EXOC4: variants seen among roughly 807,000 people sequenced by gnomAD.
EXOC4 encodes the protein SEC8-like 1.
EXOC4 carries 71 observed loss-of-function variants against 107.2 expected under a neutral mutation model. That is an observed-to-expected ratio of 0.66 (90% CI 0.55 to 0.81). EXOC4 has a LOEUF of 0.81. Among genes scored for constraint, EXOC4 ranks in the 30% least tolerant of loss-of-function variants. The pLI is 0.00. For missense variants in EXOC4, 1,108 were observed against 1,189.6 expected, an observed-to-expected ratio of 0.93 and a Z score of 1.01; for synonymous variants, 456 against 441.2, an observed-to-expected ratio of 1.03 and a Z score of -0.42.
At chr7:133,789,958 GAT>G (rs1300574375) in intron 10 of EXOC4, among the ~76,000 whole-genome samples, 1 of 152,154 alleles carries the variant, frequency 6.6e-6, no homozygotes, top group Non-Finnish European at 1.5e-5. Flanking sequence ...TGGATAGGGA[GAT>G]CTTCAACCTG....
At chr7:133,510,038 T>C (rs1367892236) in intron 9 of EXOC4, among the ~76,000 whole-genome samples, 1 of 152,196 alleles carries the variant, frequency 6.6e-6, no homozygotes, top group Non-Finnish European at 1.5e-5. Context: ...AATTCAGCAG[T>C]TTTTAGTGAA....
At chr7:133,854,408 GCACACACACACACACACACA>G (rs56849407) in intron 11 of EXOC4, among the ~76,000 whole-genome samples, 10 of 139,570 alleles carry the variant, frequency 7.2e-5, no homozygotes, top group African/African-American at 2.1e-4. Flanking sequence ...TGTTGAAAGA[GCACACACACACACACACACA>G]CACACACACA....
intron 10 of EXOC4, among the ~76,000 whole-genome samples, chr7:133,761,278 AGCTTG>A (rs1796027093): frequency 6.6e-6 from 1 of 152,184 alleles, no homozygotes; most frequent in African/African-American, 2.4e-5. Context: ...TGATTCAATT[AGCTTG>A]GATAACACTA....
intron 6 of EXOC4, among the ~76,000 whole-genome samples, chr7:133,356,907 G>C (rs1796033713): frequency 6.6e-6 from 1 of 152,248 alleles, no homozygotes. Flanking sequence ...TTGAACGCAG[G>C]AGGCGGAGGT....
intron 10 of EXOC4, among the ~76,000 whole-genome samples, chr7:133,758,532 A>T: frequency 6.6e-6 from 1 of 152,230 alleles, no homozygotes; most frequent in East Asian, 1.9e-4. Context: ...CTAGGTCTCA[A>T]TCCCTGAGGA....
intron 14 of EXOC4, among the ~76,000 whole-genome samples, chr7:133,948,781 T>C (rs2116780009): frequency 6.6e-6 from 1 of 152,260 alleles, no homozygotes; most frequent in African/African-American, 2.4e-5. Flanking sequence ...AATGCAAAAG[T>C]TTGGCAGTTT....
chr7:133,879,804 A>G (rs1798927067), intron 11 of EXOC4, among the ~76,000 whole-genome samples: 1 of 152,098 alleles, frequency 6.6e-6, no homozygotes, highest in African/African-American at 2.4e-5. Context: ...AGAGAATTAG[A>G]CTAGATAATA....
intron 15 of EXOC4, among the ~76,000 whole-genome samples, chr7:134,003,231 G>C (rs934358556): frequency 1.2e-4 from 18 of 152,170 alleles, no homozygotes; most frequent in African/African-American, 4.3e-4. Context: ...CATTTATATG[G>C]CATCCTGGAA....
In EXOC4 at chr7:133,886,300, G is replaced by A. The variant is rs530497368; in HGVS notation, c.1735-9299G>A. On this transcript the variant is annotated intron_variant, in intron 11 of 17. Coordinates refer to ENST00000253861, the MANE Select transcript of EXOC4 (RefSeq NM_021807.4). ...CAGTATTTTCCAAATTATGTGGACC[G>A]GGAGCCAATTTTCTGTAACAGAATA... is the stretch of plus-strand genomic sequence containing the variant. Among the ~76,000 whole-genome samples the A allele has an allele frequency of 5.9e-5, 9 of 152,206 alleles. No individual in the cohort carries two copies. In the East Asian group the frequency reaches 1.3e-3, roughly 23 times the overall value.
rs549827518 is a variant in EXOC4 at position 133,645,975 on chromosome 7, A to G, written c.1514+15834A>G. Among the ~76,000 whole-genome samples the G allele has an allele frequency of 1.2e-4, 19 of 152,326 alleles. No homozygotes were observed. In the South Asian group the frequency reaches 1.7e-3, roughly 13 times the overall value. Reference sequence around the variant, plus strand: ...GGCTGCCTGTGTTTGATTAAAAATGATAGTCTGTAAACTCCTTAAGTTAGA... The same window carrying G: ...GGCTGCCTGTGTTTGATTAAAAATGGTAGTCTGTAAACTCCTTAAGTTAGA... On this transcript the variant is annotated intron_variant, in intron 10 of 17. Coordinates refer to ENST00000253861, the MANE Select transcript of EXOC4 (RefSeq NM_021807.4).
At chr7:133,819,798 A>G (rs1426620189) in intron 11 of EXOC4, among the ~76,000 whole-genome samples, 1 of 152,162 alleles carries the variant, frequency 6.6e-6, no homozygotes, top group Non-Finnish European at 1.5e-5. Context: ...GTGAACCAAT[A>G]ATACTGGCTT....
At chr7:133,848,263 A>C (rs1253219656) in intron 11 of EXOC4, among the ~76,000 whole-genome samples, 2 of 152,160 alleles carry the variant, frequency 1.3e-5, no homozygotes, top group Non-Finnish European at 2.9e-5. Context: ...AAGAATGCAG[A>C]GGAGAAGAGG....
At chr7:133,339,932 T>A (rs1795618749) in intron 5 of EXOC4, among the ~76,000 whole-genome samples, 1 of 152,192 alleles carries the variant, frequency 6.6e-6, no homozygotes, top group South Asian at 2.1e-4. Context: ...TTTCTAGGTA[T>A]GTGATCATCA....
chr7:133,713,857 C>A (rs544523433), intron 10 of EXOC4, among the ~76,000 whole-genome samples: 1 of 152,292 alleles, frequency 6.6e-6, no homozygotes, highest in South Asian at 2.1e-4. Context: ...CCCAAACATG[C>A]TGAACTGTGA....
At chr7:133,461,176 C>G (rs1477734163) in intron 7 of EXOC4, among the ~76,000 whole-genome samples, 1 of 152,098 alleles carries the variant, frequency 6.6e-6, no homozygotes. Flanking sequence ...TGAATTTAAC[C>G]ACATTCTGAG....
intron 7 of EXOC4, among the ~76,000 whole-genome samples, chr7:133,424,946 T>C (rs1584906700): frequency 6.6e-6 from 1 of 152,290 alleles, no homozygotes; most frequent in East Asian, 1.9e-4. Flanking sequence ...TTAGGGGAGT[T>C]CCCAAAGCTT....
At chr7:133,289,454 C>A (rs1794356159) in intron 3 of EXOC4, among the ~76,000 whole-genome samples, 1 of 152,202 alleles carries the variant, frequency 6.6e-6, no homozygotes, top group African/African-American at 2.4e-5. Context: ...CTACATGAGA[C>A]AGAACTTCTG....
intron 10 of EXOC4, among the ~76,000 whole-genome samples, chr7:133,764,391 A>G (rs1796094834): frequency 6.6e-6 from 1 of 152,030 alleles, no homozygotes; most frequent in African/African-American, 2.4e-5. Context: ...CTCTTCCAGG[A>G]CGAGAAGGCT....
chr7:133,837,606 C>T (rs1328367670), intron 11 of EXOC4, among the ~76,000 whole-genome samples: 2 of 152,198 alleles, frequency 1.3e-5, no homozygotes, highest in Admixed American at 1.3e-4. Context: ...AGGTAACAAT[C>T]TCTGAGTAAC....
Sources: gnomAD v4.1 joint callset for allele counts (sites outside exome capture counted in the v4.1 genomes callset) on GRCh38, gnomAD v4.1.1 for gene constraint, MANE v1.5 for transcripts, NCBI Gene and HGNC (gene_info 2026-07-23, HGNC 2026-07-21) for gene names.